The following SORCS1 variants were observed in gnomAD, a reference collection of about 807,000 sequenced individuals.
The protein encoded by SORCS1 is VPS10 domain-containing receptor SorCS1.
SORCS1 carries 60 observed loss-of-function variants against 146.1 expected under a neutral mutation model. That is an observed-to-expected ratio of 0.41 (90% CI 0.33 to 0.51). The LOEUF is 0.51. SORCS1 is among the 20% of genes least tolerant of loss of function. The probability of loss-of-function intolerance (pLI) is 0.21; values close to 1 mark genes in which losing one functional copy is unlikely to be tolerated. For missense variants in SORCS1, 1,352 were observed against 1,487.6 expected (o/e 0.91, Z 1.50); for synonymous variants, 637 against 584.0 (o/e 1.09, Z -1.31).
chr10:107,087,574 T>C (rs750365974), intron 1 of SORCS1, among the ~76,000 whole-genome samples: 39 of 152,246 alleles, frequency 2.6e-4, no homozygotes, highest in Non-Finnish European at 4.6e-4. Context: ...AGAATGTATG[T>C]AATATACCAA....
intron 2 of SORCS1, among the ~76,000 whole-genome samples, chr10:106,834,761 TCTTCA>T (rs1457634818): frequency 6.6e-6 from 1 of 152,216 alleles, no homozygotes; most frequent in East Asian, 1.9e-4. Flanking sequence ...AGCCTTGAAT[TCTTCA>T]CTTGTACCAT....
intron 1 of SORCS1, among the ~76,000 whole-genome samples, chr10:107,128,247 C>T (rs1376547778): frequency 6.6e-6 from 1 of 152,138 alleles, no homozygotes; most frequent in Non-Finnish European, 1.5e-5. Flanking sequence ...AAGCCTAAAT[C>T]ATGTTCTTCA....
chr10:106,835,307 A>T (rs886929888), intron 2 of SORCS1, among the ~76,000 whole-genome samples: 1 of 152,246 alleles, frequency 6.6e-6, no homozygotes, highest in African/African-American at 2.4e-5. Flanking sequence ...AATCATTGTA[A>T]TCTAAATTAA....
intron 1 of SORCS1, among the ~76,000 whole-genome samples, chr10:107,026,197 T>G (rs918402164): frequency 1.3e-5 from 2 of 152,172 alleles, no homozygotes; most frequent in Non-Finnish European, 2.9e-5. Flanking sequence ...TATAACAAGA[T>G]GGAGAAAAAA....
intron 2 of SORCS1, among the ~76,000 whole-genome samples, chr10:106,831,819 C>A (rs560503153): frequency 6.6e-6 from 1 of 152,076 alleles, no homozygotes; most frequent in Non-Finnish European, 1.5e-5. Flanking sequence ...CAAAGTACTA[C>A]GCAAAACTTC....
intron 1 of SORCS1, among the ~76,000 whole-genome samples, chr10:107,061,689 C>G (rs1318854415): frequency 1.3e-5 from 2 of 152,124 alleles, no homozygotes; most frequent in African/African-American, 4.8e-5. Context: ...TATTTTCACT[C>G]CTTTCATTAT....
intron 1 of SORCS1, among the ~76,000 whole-genome samples, chr10:107,102,457 C>T (rs574900061): frequency 1.3e-5 from 2 of 152,230 alleles, no homozygotes; most frequent in East Asian, 3.9e-4. Context: ...GACTGGTTTC[C>T]AGCAGTGGCA....
intron 1 of SORCS1, among the ~76,000 whole-genome samples, chr10:107,032,772 G>T (rs954906720): frequency 1.3e-5 from 2 of 152,108 alleles, no homozygotes; most frequent in African/African-American, 2.4e-5. Flanking sequence ...AATCATTCAG[G>T]GCTGAAACAA....
intron 3 of SORCS1, among the ~76,000 whole-genome samples, chr10:106,801,649 C>G (rs944302631): frequency 6.6e-6 from 1 of 151,764 alleles, no homozygotes; most frequent in Non-Finnish European, 1.5e-5. Context: ...CCTGCCTCAG[C>G]CTCCCGAGTA....
chr10:107,081,236 A>G (rs922379921), intron 1 of SORCS1, among the ~76,000 whole-genome samples: 4 of 152,220 alleles, frequency 2.6e-5, no homozygotes, highest in African/African-American at 9.7e-5. Context: ...AAGTAAGAAG[A>G]CATCTGAAAA....
intron 1 of SORCS1, among the ~76,000 whole-genome samples, chr10:107,077,037 C>T (rs1962945135): frequency 6.6e-6 from 1 of 152,126 alleles, no homozygotes; most frequent in Admixed American, 6.5e-5. Flanking sequence ...CTTCTAATGA[C>T]TCTACCTCGG....
At chr10:106,699,934 T>C (rs1324644843) in intron 8 of SORCS1, among the ~76,000 whole-genome samples, 2 of 152,158 alleles carry the variant, frequency 1.3e-5, no homozygotes, top group Non-Finnish European at 2.9e-5. Context: ...ATAATTACCA[T>C]GCATATTAAA....
At chr10:107,069,511 G>T (rs1031001791) in intron 1 of SORCS1, among the ~76,000 whole-genome samples, 4 of 152,014 alleles carry the variant, frequency 2.6e-5, no homozygotes, top group Non-Finnish European at 5.9e-5. Flanking sequence ...GAGTAGCTGG[G>T]ATTACAGGCA....
At chr10:106,663,288 A>C (rs1850877124) in intron 17 of SORCS1, among the ~76,000 whole-genome samples, 1 of 152,218 alleles carries the variant, frequency 6.6e-6, no homozygotes, top group Non-Finnish European at 1.5e-5. Context: ...CAATGTATCT[A>C]GTAGGAAATC....
At chr10:106,768,554 T>C (rs906702670) in intron 4 of SORCS1, among the ~76,000 whole-genome samples, 2 of 152,254 alleles carry the variant, frequency 1.3e-5, no homozygotes, top group African/African-American at 4.8e-5. Flanking sequence ...ATAAATACTT[T>C]AATATTTAAT....
intron 2 of SORCS1, among the ~76,000 whole-genome samples, chr10:106,937,414 GTAAT>G (rs1472855402): frequency 1.3e-5 from 2 of 151,452 alleles, no homozygotes; most frequent in Non-Finnish European, 2.9e-5. Context: ...CTGACCTCAA[GTAAT>G]CCACCCTTGT....
intron 17 of SORCS1, among the ~76,000 whole-genome samples, chr10:106,662,759 C>T (rs1850832285): frequency 1.3e-5 from 2 of 152,170 alleles, no homozygotes; most frequent in Admixed American, 6.5e-5. Flanking sequence ...AAATGACCTT[C>T]CTCACCTTAT....
chr10:107,061,207 A>G (rs757766820), intron 1 of SORCS1, among the ~76,000 whole-genome samples: 1 of 152,186 alleles, frequency 6.6e-6, no homozygotes, highest in Non-Finnish European at 1.5e-5. Flanking sequence ...AACATATACA[A>G]ACAAAAGATA....
intron 1 of SORCS1, among the ~76,000 whole-genome samples, chr10:107,031,232 T>C (rs1030874387): frequency 3.9e-5 from 6 of 152,264 alleles, no homozygotes; most frequent in Non-Finnish European, 7.3e-5. Context: ...CATGTGTCAA[T>C]AGTTTCTTCT....
Sources: gnomAD v4.1 joint callset for allele counts (sites outside exome capture counted in the v4.1 genomes callset) on GRCh38, gnomAD v4.1.1 for gene constraint, MANE v1.5 for transcripts, NCBI Gene and HGNC (gene_info 2026-07-23, HGNC 2026-07-21) for gene names.